SGCD: variants seen among roughly 807,000 people sequenced by gnomAD.
The protein encoded by SGCD is sarcoglycan delta, also known as delta-sarcoglycan.
SGCD carries 18 observed loss-of-function variants against 36.6 expected under a neutral mutation model. That is an observed-to-expected ratio of 0.49 (90% CI 0.34 to 0.73). The LOEUF is 0.73. SGCD is among the 30% of genes least tolerant of loss of function. The probability of loss-of-function intolerance (pLI) is 0.01; values close to 1 mark genes in which losing one functional copy is unlikely to be tolerated. For synonymous variants in SGCD, 133 were observed against 130.6 expected (o/e 1.02, Z -0.12); for missense variants, 387 against 346.7 (o/e 1.12, Z -0.92).
In SGCD at chr5:156,595,013, A is replaced by G. The variant is rs2113389504; in HGVS notation, c.464A>G (p.Asn155Ser). Reference sequence around the variant, plus strand: ...AAATTGCTCTTCTCTGCAGACAATAATGAAGTGGTAGTAGGAGCTGAAAGA... The same window carrying G: ...AAATTGCTCTTCTCTGCAGACAATAGTGAAGTGGTAGTAGGAGCTGAAAGA... ...SGKLLFSADN[N>S]EVVVGAERLR... Residue 155 changes from asparagine to serine, a missense_variant, in exon 6 of 9, where the codon AAT becomes AGT. Coordinates refer to ENST00000337851, the MANE Select transcript of SGCD (RefSeq NM_000337.6). The G allele has an allele frequency of 6.2e-7, 1 of 1,612,360 alleles. No individual in the cohort carries two copies. Among genetic ancestry groups the G allele is most frequent in the Non-Finnish European group, 8.5e-7 (1 of 1,178,768 alleles).
At chr5:156,587,776 G>C (rs1311095111) in intron 4 of SGCD, among the ~76,000 whole-genome samples, 1 of 151,876 alleles carries the variant, frequency 6.6e-6, no homozygotes, top group African/African-American at 2.4e-5. Context: ...ATTCTTCTTT[G>C]CTTCCTGCTC....
At chr5:156,471,521 A>AT (rs1363233571) in intron 3 of SGCD, among the ~76,000 whole-genome samples, 1 of 152,114 alleles carries the variant, frequency 6.6e-6, no homozygotes, top group Non-Finnish European at 1.5e-5. Flanking sequence ...CCGTCAATTG[A>AT]TTTTTCTATG....
the SGCD span, among the ~76,000 whole-genome samples, chr5:155,732,922 A>G: frequency 1.3e-5 from 2 of 152,156 alleles, no homozygotes; most frequent in Admixed American, 1.3e-4. Flanking sequence ...GTTGCAGCCC[A>G]CTGATATGCA....
chr5:156,561,644 C>T lies in SGCD; in HGVS notation c.295-27587C>T, dbSNP rs187701605. Among the ~76,000 whole-genome samples, 13 of 152,274 alleles carry T rather than the reference C, an allele frequency of 8.5e-5. 1 individual carries two copies. In the East Asian group the frequency reaches 2.3e-3, roughly 27 times the overall value. ...AATCAACCTAATGGTGTTGAATAGA[C>T]TTAAGTGGTTTTTCAGTGTCTGAGT... On this transcript the variant is annotated intron_variant, in intron 4 of 8. Transcript: ENST00000337851.
At chr5:156,488,918 G>A (rs181692320) in intron 3 of SGCD, among the ~76,000 whole-genome samples, 17 of 152,160 alleles carry the variant, frequency 1.1e-4, no homozygotes, top group Admixed American at 1.1e-3. Context: ...ACTTTCCACT[G>A]AAAACATATA....
intron 3 of SGCD, among the ~76,000 whole-genome samples, chr5:156,134,935 C>A (rs564576698): frequency 6.6e-6 from 1 of 152,120 alleles, no homozygotes; most frequent in Non-Finnish European, 1.5e-5. Context: ...GACTCCATTG[C>A]ATTTTTTGCA....
At chr5:155,876,131 G>A (rs951497551) in intron 1 of SGCD, among the ~76,000 whole-genome samples, 1 of 149,488 alleles carries the variant, frequency 6.7e-6, no homozygotes, top group African/African-American at 2.5e-5. Context: ...CATGTGCCAT[G>A]CTGGTGCGCT....
At chr5:156,114,366 T>C (rs1243417067) in intron 1 of SGCD, among the ~76,000 whole-genome samples, 1 of 152,240 alleles carries the variant, frequency 6.6e-6, no homozygotes, top group South Asian at 2.1e-4. Context: ...CCATCACAGG[T>C]ACCCTCACGC....
intron 3 of SGCD, among the ~76,000 whole-genome samples, chr5:156,199,280 A>G (rs1764088856): frequency 6.6e-6 from 1 of 152,182 alleles, no homozygotes; most frequent in African/African-American, 2.4e-5. Context: ...CAGCAAGTTG[A>G]TGCCCAAAGA....
chr5:156,238,639 T>A (rs993664137), intron 3 of SGCD, among the ~76,000 whole-genome samples: 4 of 152,298 alleles, frequency 2.6e-5, no homozygotes, highest in African/African-American at 9.6e-5. Context: ...AATAGCCACA[T>A]GTGGCTGATA....
chr5:156,281,024 A>G (rs996439690), intron 3 of SGCD, among the ~76,000 whole-genome samples: 2 of 152,220 alleles, frequency 1.3e-5, no homozygotes, highest in African/African-American at 4.8e-5. Context: ...CAATTAACTT[A>G]CATCTATACA....
intron 7 of SGCD, among the ~76,000 whole-genome samples, chr5:156,670,659 T>C (rs1312532011): frequency 6.6e-6 from 1 of 152,228 alleles, no homozygotes; most frequent in Non-Finnish European, 1.5e-5. Context: ...GAAAGTACAT[T>C]TTTTAAAAAT....
At position 156,744,921 on chromosome 5, in the gene SGCD, C is replaced by T. The variant is rs1257178837; in HGVS notation, c.576-12660C>T. 3.3e-5 allele frequency among the ~76,000 whole-genome samples: 5 copies of T among 152,316 alleles called. No homozygotes were observed. In the East Asian group the frequency reaches 9.6e-4, roughly 29 times the overall value. ...AACACAGATGGTAGTTTTAAGTTCC[C>T]TAACCAGTCCACCCTCTGAAAACTA... On this transcript the variant is annotated intron_variant, in intron 7 of 8. Transcript: ENST00000337851.
chr5:156,579,354 A>G (rs1248875038), intron 4 of SGCD, among the ~76,000 whole-genome samples: 1 of 152,112 alleles, frequency 6.6e-6, no homozygotes, highest in Non-Finnish European at 1.5e-5. Context: ...TTTTGGAAGA[A>G]GTGTGATGTG....
At chr5:155,908,833 G>T (rs1300433419) in intron 1 of SGCD, among the ~76,000 whole-genome samples, 1 of 152,072 alleles carries the variant, frequency 6.6e-6, no homozygotes, top group African/African-American at 2.4e-5. Context: ...TGTCTGTTTT[G>T]TCAGGTGGCA....
chr5:156,466,496 C>T (rs1331545692), intron 3 of SGCD, among the ~76,000 whole-genome samples: 4 of 152,182 alleles, frequency 2.6e-5, no homozygotes, highest in Admixed American at 6.6e-5. Context: ...ACCCAACTCT[C>T]CCCTCAGTCA....
chr5:156,157,086 CA>C (rs1762980758), intron 3 of SGCD, among the ~76,000 whole-genome samples: 1 of 151,632 alleles, frequency 6.6e-6, no homozygotes, highest in African/African-American at 2.4e-5. Flanking sequence ...AGATATGTCA[CA>C]CTTGTTAAAG....
intron 7 of SGCD, among the ~76,000 whole-genome samples, chr5:156,709,858 G>A (rs1396557182): frequency 4.1e-4 from 30 of 73,838 alleles, no homozygotes; most frequent in Non-Finnish European, 7.4e-4. Flanking sequence ...CCACCCTCCC[G>A]CCCCCTACTC....
intron 1 of SGCD, among the ~76,000 whole-genome samples, chr5:155,976,595 T>C (rs968795388): frequency 3.9e-5 from 6 of 152,212 alleles, no homozygotes; most frequent in African/African-American, 1.4e-4. Context: ...CTTGTTTTCT[T>C]CATGTTATAG....
Sources: gnomAD v4.1 joint callset for allele counts (sites outside exome capture counted in the v4.1 genomes callset) on GRCh38, gnomAD v4.1.1 for gene constraint, MANE v1.5 for transcripts, NCBI Gene and HGNC (gene_info 2026-07-23, HGNC 2026-07-21) for gene names.